Variants in TTC39B observed in about 807,000 individuals in gnomAD.
TTC39B encodes the protein tetratricopeptide repeat protein 39B.
Under a neutral mutation model 96.6 loss-of-function variants are expected in TTC39B, and 92 were observed. The observed-to-expected ratio is 0.95, with a 90% CI of 0.80 to 1.13. The LOEUF is 1.13. Among genes scored for constraint, TTC39B ranks in the 50% most tolerant of loss-of-function variants. The pLI is 0.00. For synonymous variants in TTC39B, 367 were observed against 299.4 expected, an observed-to-expected ratio of 1.23 and a Z score of -2.33; for missense variants, 955 against 809.3, an observed-to-expected ratio of 1.18 and a Z score of -2.18.
At chr9:15,205,020 C>T (rs1306956359) in intron 6 of TTC39B, among the ~76,000 whole-genome samples, 1 of 152,136 alleles carries the variant, frequency 6.6e-6, no homozygotes, top group East Asian at 1.9e-4. Flanking sequence ...AGTAAACGAG[C>T]CTGGGGTATT....
At chr9:15,184,097 A>T (rs7046543) in intron 16 of TTC39B, among the ~76,000 whole-genome samples, 12 of 151,992 alleles carry the variant, frequency 7.9e-5, no homozygotes, top group Admixed American at 2.0e-4. Flanking sequence ...TATGAACAAC[A>T]ATTTACAAAA....
At chr9:15,235,650 G>T (rs1821744443) in intron 2 of TTC39B, among the ~76,000 whole-genome samples, 1 of 152,078 alleles carries the variant, frequency 6.6e-6, no homozygotes, top group Non-Finnish European at 1.5e-5. Context: ...AGAGATTGGG[G>T]TCTATTTTTA....
intron 3 of TTC39B, among the ~76,000 whole-genome samples, chr9:15,214,781 T>G (rs2131363675): frequency 6.6e-6 from 1 of 152,232 alleles, no homozygotes; most frequent in East Asian, 1.9e-4. Context: ...CTTAACATGT[T>G]CATTTTTGTA....
At chr9:15,223,522 G>A (rs886272456) in intron 3 of TTC39B, among the ~76,000 whole-genome samples, 3 of 152,178 alleles carry the variant, frequency 2.0e-5, no homozygotes, top group Non-Finnish European at 4.4e-5. Flanking sequence ...AGTACCAGGA[G>A]GAGTAACATA....
chr9:15,244,883 T>C lies in TTC39B; in HGVS notation c.276-18871A>G, dbSNP rs16932857. 1.0e-3 allele frequency among the ~76,000 whole-genome samples: 154 copies of C among 152,334 alleles called. 3 individuals are homozygous for C. In the East Asian group the frequency reaches 0.027, roughly 27 times the overall value. ...CTAAAACAAAGAGTAACAAAGTTTT[T>C]CTAAAGACAATTCTGACAACAAGTT... is the stretch of plus-strand genomic sequence containing the variant. On this transcript the variant is annotated intron_variant, in intron 2 of 19. Transcript: ENST00000512701.
chr9:15,219,143 T>C (rs1354746158), intron 3 of TTC39B, among the ~76,000 whole-genome samples: 1 of 152,230 alleles, frequency 6.6e-6, no homozygotes, highest in Non-Finnish European at 1.5e-5. Flanking sequence ...CCCAGTTCTG[T>C]AACCTTGAAC....
exon 20 of TTC39B, chr9:15,169,847 G>A (rs1817595707): frequency 6.6e-6 from 1 of 151,978 alleles, no homozygotes; most frequent in South Asian, 2.1e-4. Flanking sequence ...AATAAAAATG[G>A]CCACTCTAAG....
At position 15,189,221 on chromosome 9, in the gene TTC39B, C is replaced by G. The variant is rs1319445671; in HGVS notation, c.1233+353G>C. 3.3e-5 allele frequency among the ~76,000 whole-genome samples: 5 copies of G among 152,258 alleles called. No individual in the cohort carries two copies. The East Asian group carries it at 7.7e-4, about 24-fold the overall frequency. ...GATACGGAGCCCACACGTAGTAGAC[C>G]TGCATGTCACACAGGGGCTAGATTC... On this transcript the variant is annotated intron_variant, in intron 13 of 19. Transcript: ENST00000512701.
chr9:15,203,778 G>C (rs187986065), intron 7 of TTC39B, 45 bp downstream of exon 7: 1 of 1,530,298 alleles, frequency 6.5e-7, no homozygotes, highest in Non-Finnish European at 9.0e-7. Flanking sequence ...TGCAGCACTG[G>C]CAGTCTTCCC....
At chr9:15,277,932 G>A (rs79184732) in intron 1 of TTC39B, among the ~76,000 whole-genome samples, 5 of 152,146 alleles carry the variant, frequency 3.3e-5, no homozygotes, top group East Asian at 1.9e-4. Context: ...ATGATTCTTC[G>A]GAATTTCCAA....
chr9:15,192,101 C>A (rs1377910396), intron 9 of TTC39B, among the ~76,000 whole-genome samples: 1 of 152,194 alleles, frequency 6.6e-6, no homozygotes, highest in African/African-American at 2.4e-5. Context: ...GTGTATACTT[C>A]TCTTGATCAC....
At position 15,262,192 on chromosome 9, in the gene TTC39B, G is replaced by A. The variant is rs188773070; in HGVS notation, c.275+5722C>T. Among the ~76,000 whole-genome samples, 876 of 152,174 alleles carry A rather than the reference G, an allele frequency of 5.8e-3. 5 individuals are homozygous for A. The highest frequency in any genetic ancestry group is 0.019 in the African/African-American group (791 of 41,504). On this transcript the variant is annotated intron_variant, in intron 2 of 19. Transcript: ENST00000512701. Reference sequence around the variant, plus strand: ...CAGCTCACTGCAACCTCGGCCTCCCGGGTTCAAGTGATTCTCCTGCCTCAG... The same window carrying A: ...CAGCTCACTGCAACCTCGGCCTCCCAGGTTCAAGTGATTCTCCTGCCTCAG...
At chr9:15,262,101 A>T (rs1822968290) in intron 2 of TTC39B, among the ~76,000 whole-genome samples, 1 of 151,712 alleles carries the variant, frequency 6.6e-6, no homozygotes, top group South Asian at 2.1e-4. Flanking sequence ...TATTTATTTT[A>T]TTATTATTAT....
intron 8 of TTC39B, among the ~76,000 whole-genome samples, chr9:15,195,670 CAAA>C (rs35318510): frequency 1.5e-5 from 1 of 66,320 alleles, no homozygotes; most frequent in Non-Finnish European, 2.8e-5. Flanking sequence ...ACTCCATCTC[CAAA>C]AAAAAAAAAA....
chr9:15,286,024 G>C (rs1035566035), intron 1 of TTC39B, among the ~76,000 whole-genome samples: 1 of 152,080 alleles, frequency 6.6e-6, no homozygotes, highest in African/African-American at 2.4e-5. Flanking sequence ...TGAACCATTT[G>C]AGAGCGAATT....
chr9:15,178,868 T>C (rs983600172), intron 17 of TTC39B, among the ~76,000 whole-genome samples: 4 of 152,186 alleles, frequency 2.6e-5, no homozygotes, highest in African/African-American at 9.6e-5. Context: ...CTTATCCCCA[T>C]TAAAAATTCA....
chr9:15,285,623 G>T (rs1269106425), intron 1 of TTC39B, among the ~76,000 whole-genome samples: 1 of 152,188 alleles, frequency 6.6e-6, no homozygotes, highest in Non-Finnish European at 1.5e-5. Context: ...GGGAGGCCGA[G>T]GCGGGCGGAT....
At chr9:15,202,481 G>T (rs373236667) in intron 7 of TTC39B, among the ~76,000 whole-genome samples, 45 of 152,282 alleles carry the variant, frequency 3.0e-4, no homozygotes, top group African/African-American at 9.9e-4. Flanking sequence ...GGAGGCCGAG[G>T]TGGGTGGAAC....
At chr9:15,177,725 C>T in exon 18 of TTC39B, 1 of 1,613,298 alleles carries the variant, frequency 6.2e-7, no homozygotes, top group Non-Finnish European at 8.5e-7. Flanking sequence ...TAACATAGTT[C>T]AGCTTGCAAG....
Sources: gnomAD v4.1 joint callset for allele counts (sites outside exome capture counted in the v4.1 genomes callset) on GRCh38, gnomAD v4.1.1 for gene constraint, MANE v1.5 for transcripts, NCBI Gene and HGNC (gene_info 2026-07-23, HGNC 2026-07-21) for gene names.